Variants in DNAH3 observed in about 807,000 individuals in gnomAD.
The protein encoded by DNAH3 is dynein axonemal heavy chain 3.
In DNAH3, 332 loss-of-function variants were observed where a neutral mutation model predicts 432.5. The ratio of observed to expected loss-of-function variants is 0.77; its 90% CI spans 0.70 to 0.84. The LOEUF (loss-of-function observed/expected upper bound fraction) is 0.84. Among genes scored for constraint, DNAH3 ranks in the 40% least tolerant of loss-of-function variants. DNAH3 has a pLI of 0.00. For missense variants in DNAH3, 4,861 were observed against 5,114.0 expected (o/e 0.95, Z 1.51); for synonymous variants, 1,956 against 1,900.2 (o/e 1.03, Z -0.76).
chr16:20,944,853 G>A (rs902012792), intron 57 of DNAH3, among the ~76,000 whole-genome samples, 190 bp from the exon 58 acceptor site: 2 of 151,856 alleles, frequency 1.3e-5, no homozygotes, highest in African/African-American at 4.8e-5. Context: ...CTGGGGAGTG[G>A]GCATGAAAGC....
At chr16:21,155,906 C>G (rs2092894578) in intron 1 of DNAH3, among the ~76,000 whole-genome samples, 1 of 152,094 alleles carries the variant, frequency 6.6e-6, no homozygotes, top group African/African-American at 2.4e-5. Flanking sequence ...GCAGCTCATT[C>G]CTGAGGCCTA....
intron 1 of DNAH3, among the ~76,000 whole-genome samples, chr16:21,157,918 G>GA (rs1007716343): frequency 2.6e-5 from 4 of 151,778 alleles, no homozygotes; most frequent in Non-Finnish European, 4.4e-5. Flanking sequence ...CTGGAGGTGG[G>GA]GGGGGGCGGT....
At chr16:21,095,817 T>G (rs1190806228) in intron 18 of DNAH3, among the ~76,000 whole-genome samples, 2 of 152,126 alleles carry the variant, frequency 1.3e-5, no homozygotes, top group African/African-American at 2.4e-5. Flanking sequence ...CAGGTTGGAG[T>G]GCAGTAGTGC....
At chr16:21,113,196 TG>T (rs1304307554) in intron 12 of DNAH3, among the ~76,000 whole-genome samples, 1 of 152,154 alleles carries the variant, frequency 6.6e-6, no homozygotes, top group Non-Finnish European at 1.5e-5. Flanking sequence ...CAACTTGAAT[TG>T]TATCTCCCAG....
exon 24 of DNAH3, chr16:21,067,312 G>A (rs2090588842): frequency 6.2e-7 from 1 of 1,614,104 alleles, no homozygotes; most frequent in Non-Finnish European, 8.5e-7. Context: ...TCTTCTCCAA[G>A]TAATCATTCA....
intron 57 of DNAH3, among the ~76,000 whole-genome samples, chr16:20,945,976 GT>G (rs1160244339): frequency 6.6e-6 from 1 of 152,150 alleles, no homozygotes; most frequent in Non-Finnish European, 1.5e-5. Context: ...AGAAAAACAA[GT>G]GTAGTTATGA....
At position 21,060,251 on chromosome 16, in the gene DNAH3, G is replaced by C. The variant is rs956256628; in HGVS notation, c.3813+13C>G. The stretch of plus-strand genomic sequence containing the variant: ...ACTAGTGTCCTGGCATGTGTACCCC[G>C]GTTCTTGTTTACCTTGACATATGCT... On this transcript the variant is annotated intron_variant, in intron 26 of 61. Coordinates refer to ENST00000261383, the Ensembl canonical transcript of DNAH3. 6 of 1,605,026 alleles carry C rather than the reference G, an allele frequency of 3.7e-6. No individual in the cohort carries two copies. The South Asian group carries it at 4.4e-5, about 12-fold the overall frequency.
In DNAH3 at chr16:21,145,172, C is replaced by G; in HGVS notation, c.448+9G>C. The stretch of plus-strand genomic sequence containing the variant: ...CCATTCTGCAAGGGTGTGACACTGC[C>G]ACAAGTACCTGATGATGGCAGCCCC... On this transcript the variant is annotated intron_variant, in intron 3 of 61. Transcript: ENST00000261383. 1 of 1,606,236 alleles carries G rather than the reference C, an allele frequency of 6.2e-7. No individual in the cohort carries two copies.
At chr16:21,084,299 G>T (rs922459814) in intron 19 of DNAH3, among the ~76,000 whole-genome samples, 16 of 151,378 alleles carry the variant, frequency 1.1e-4, no homozygotes, top group Non-Finnish European at 7.4e-5. Flanking sequence ...TATTATTATG[G>T]TTAGAATTTT....
intron 14 of DNAH3, among the ~76,000 whole-genome samples, chr16:21,111,281 A>C (rs2092064572): frequency 6.6e-6 from 1 of 152,210 alleles, no homozygotes; most frequent in Admixed American, 6.5e-5. Flanking sequence ...GTTTCAAAAT[A>C]TGTGCTAGAT....
intron 1 of DNAH3, among the ~76,000 whole-genome samples, chr16:21,152,765 G>T (rs981779566): frequency 6.6e-6 from 1 of 152,258 alleles, no homozygotes; most frequent in African/African-American, 2.4e-5. Context: ...AGGGTGTACT[G>T]GGTCCCCCAG....
chr16:21,119,882 G>C (rs1424812243), intron 11 of DNAH3, among the ~76,000 whole-genome samples: 1 of 150,388 alleles, frequency 6.6e-6, no homozygotes, highest in Non-Finnish European at 1.5e-5. Context: ...TAGAGACGGG[G>C]TTTCACCATG....
At chr16:20,970,727 A>AG in intron 51 of DNAH3, among the ~76,000 whole-genome samples, 1 of 152,252 alleles carries the variant, frequency 6.6e-6, no homozygotes, top group South Asian at 2.1e-4. Flanking sequence ...CATCCTCATT[A>AG]GGGGGGAAAG....
intron 44 of DNAH3, among the ~76,000 whole-genome samples, chr16:20,991,639 T>G (rs951489536): frequency 8.5e-5 from 13 of 152,198 alleles, no homozygotes; most frequent in African/African-American, 2.9e-4. Flanking sequence ...TCTTATCCGT[T>G]GAAGATCTGG....
chr16:20,963,214 G>A (rs2084901620), intron 53 of DNAH3, 70 bp downstream of exon 53: 1 of 1,442,574 alleles, frequency 6.9e-7, no homozygotes, highest in Non-Finnish European at 9.5e-7. Flanking sequence ...CTGCTGTAAG[G>A]GACGGGCTAC....
chr16:21,143,464 T>C (rs573609430), intron 3 of DNAH3, among the ~76,000 whole-genome samples: 2 of 152,314 alleles, frequency 1.3e-5, no homozygotes, highest in Non-Finnish European at 2.9e-5. Flanking sequence ...ACTGAATCTG[T>C]TGGTACCTTG....
At chr16:21,004,982 T>C (rs2087205606) in intron 41 of DNAH3, among the ~76,000 whole-genome samples, 1 of 152,148 alleles carries the variant, frequency 6.6e-6, no homozygotes, top group African/African-American at 2.4e-5. Flanking sequence ...TCTGCAACCA[T>C]AATTTCCCCA....
At chr16:21,076,543 T>G (rs2090982049) in intron 20 of DNAH3, among the ~76,000 whole-genome samples, 1 of 152,114 alleles carries the variant, frequency 6.6e-6, no homozygotes. Flanking sequence ...ATGGAGTCAC[T>G]CACGCTAAAT....
intron 41 of DNAH3, among the ~76,000 whole-genome samples, chr16:21,004,007 T>C (rs2087154363): frequency 6.6e-6 from 1 of 152,172 alleles, no homozygotes; most frequent in Non-Finnish European, 1.5e-5. Context: ...AAGTTAATTT[T>C]ACTTAAATCT....
Sources: gnomAD v4.1 joint callset for allele counts (sites outside exome capture counted in the v4.1 genomes callset) on GRCh38, gnomAD v4.1.1 for gene constraint, MANE v1.5 for transcripts, NCBI Gene and HGNC (gene_info 2026-07-23, HGNC 2026-07-21) for gene names.